NDST4: variants seen among roughly 807,000 people sequenced by gnomAD.
The protein encoded by NDST4 is N-deacetylase and N-sulfotransferase 4.
NDST4 carries 63 observed loss-of-function variants against 100.8 expected under a neutral mutation model. That is an observed-to-expected ratio of 0.62 (90% CI 0.51 to 0.77). The LOEUF (loss-of-function observed/expected upper bound fraction) is 0.77. Among genes scored for constraint, NDST4 ranks in the 30% least tolerant of loss-of-function variants. The probability of loss-of-function intolerance (pLI) is 0.00; values close to 1 mark genes in which losing one functional copy is unlikely to be tolerated. For synonymous variants in NDST4, 377 were observed against 361.8 expected, an observed-to-expected ratio of 1.04 and a Z score of -0.48; for missense variants, 943 against 1,018.4, an observed-to-expected ratio of 0.93 and a Z score of 1.01.
chr4:115,022,408 T>TATATGTGTTCCATATATATATGTGTTCC (rs1560570127), intron 2 of NDST4, among the ~76,000 whole-genome samples: 1 of 140,166 alleles, frequency 7.1e-6, no homozygotes, highest in African/African-American at 2.6e-5. Context: ...GTGTTCCATA[T>TATATGTGTTCCATATATATATGTGTTCC]ATATGTGTTC....
intron 8 of NDST4, 81 bp from the exon 9 acceptor site, chr4:114,848,419 A>G: frequency 2.7e-6 from 3 of 1,093,384 alleles, no homozygotes; most frequent in Non-Finnish European, 2.6e-6. Context: ...CTCAAAAAGT[A>G]ATATTAAAAT....
chr4:114,848,921 A>G (rs1008814458), intron 8 of NDST4, among the ~76,000 whole-genome samples: 1 of 152,196 alleles, frequency 6.6e-6, no homozygotes. Flanking sequence ...ATAATGAGAG[A>G]AGACCAGAGC....
Position 115,076,919 on chromosome 4 carries a change from C to T in NDST4, c.118G>A (p.Glu40Lys). The stretch of plus-strand genomic sequence containing the variant: ...GCAGTGGTTTCAATAAGTGTCATTT[C>T]CTGTTTGTAGCCAGAGTAGAGAAAA... ...AYFLYSGYKQ[E>K]MTLIETTAEA... is the part of the protein sequence containing the mutation. The change falls in exon 2 of 14, where the codon GAA becomes AAA. Residue 40 changes from glutamate (E) to lysine (K), a missense_variant. Physicochemically the swap from Glu to Lys is moderately conservative, Grantham distance 56 (BLOSUM62 1). Around this residue, in one of 2 missense-constraint regions of NDST4, gnomAD observed 417 missense variants for 384.2 expected, o/e 1.09. Transcript: ENST00000264363. 6.2e-7 allele frequency: 1 copy of T among 1,613,688 alleles called. No homozygotes were observed. Among genetic ancestry groups the T allele is most frequent in the Non-Finnish European group, 8.5e-7 (1 of 1,179,828 alleles).
At chr4:115,090,264 A>C (rs1729489419) in intron 1 of NDST4, among the ~76,000 whole-genome samples, 1 of 151,996 alleles carries the variant, frequency 6.6e-6, no homozygotes, top group South Asian at 2.1e-4. Context: ...TACCAATAGA[A>C]TAACCTATTC....
chr4:114,994,678 A>G (rs1727121415), intron 2 of NDST4, among the ~76,000 whole-genome samples: 1 of 152,062 alleles, frequency 6.6e-6, no homozygotes, highest in African/African-American at 2.4e-5. Context: ...CATTGTATAC[A>G]GCTGGGTTTT....
rs1195373553 is a variant in NDST4, at chr4:115,010,658, C to G, written c.979-33384G>C. On this transcript the variant is annotated intron_variant, in intron 2 of 13. Transcript: ENST00000264363. Reference sequence around the variant, plus strand: ...ATATGTAACTAACCTGCACATTGTGCACATGTACCCTAAAACTTAAAGTAT... The same window carrying G: ...ATATGTAACTAACCTGCACATTGTGGACATGTACCCTAAAACTTAAAGTAT... Among the ~76,000 whole-genome samples, 2 of 67,788 alleles carry G rather than the reference C, an allele frequency of 3.0e-5. 1 individual carries two copies. Among genetic ancestry groups the G allele is most frequent in the East Asian group, 1.1e-3 (2 of 1,802 alleles). The allele number at this position is 67,788 out of a possible 152,430, so 44.5% of individuals were successfully genotyped here.
chr4:114,848,592 G>T (rs2126187337), intron 8 of NDST4, among the ~76,000 whole-genome samples: 1 of 152,294 alleles, frequency 6.6e-6, no homozygotes, highest in African/African-American at 2.4e-5. Flanking sequence ...TGATGATGCA[G>T]CTAGTGTGGC....
chr4:115,057,039 C>T (rs1276435664), intron 2 of NDST4, among the ~76,000 whole-genome samples: 1 of 152,004 alleles, frequency 6.6e-6, no homozygotes, highest in Non-Finnish European at 1.5e-5. Context: ...CATACATGCT[C>T]GTGCACTGTA....
intron 2 of NDST4, among the ~76,000 whole-genome samples, chr4:115,047,594 A>G (rs764676496): frequency 1.1e-4 from 16 of 152,250 alleles, no homozygotes; most frequent in Non-Finnish European, 2.1e-4. Flanking sequence ...CTTTTATTTT[A>G]GAATAGTTTT....
At chr4:114,999,546 A>G (rs1727237836) in intron 2 of NDST4, among the ~76,000 whole-genome samples, 1 of 152,124 alleles carries the variant, frequency 6.6e-6, no homozygotes, top group Non-Finnish European at 1.5e-5. Flanking sequence ...ATATTCATTC[A>G]TTAAGAAAAC....
intron 2 of NDST4, among the ~76,000 whole-genome samples, chr4:115,071,276 TCACA>T (rs70964340): frequency 0.44 from 60,575 of 137,844 alleles, 13,461 homozygotes; most frequent in Non-Finnish European, 0.52. Context: ...AAGTATGCCT[TCACA>T]CACACACACA....
chr4:114,993,089 G>T (rs184726783), intron 2 of NDST4, among the ~76,000 whole-genome samples: 11 of 151,996 alleles, frequency 7.2e-5, no homozygotes, highest in Non-Finnish European at 2.9e-5. Context: ...GATAGTAAGT[G>T]CTTAGAATTT....
intron 6 of NDST4, among the ~76,000 whole-genome samples, chr4:114,909,046 C>T (rs1402875769): frequency 6.6e-6 from 1 of 150,704 alleles, no homozygotes; most frequent in Non-Finnish European, 1.5e-5. Flanking sequence ...TGATATAATG[C>T]CTCCTATCCA....
At chr4:115,027,047 G>C (rs1728002315) in intron 2 of NDST4, among the ~76,000 whole-genome samples, 1 of 152,126 alleles carries the variant, frequency 6.6e-6, no homozygotes, top group Non-Finnish European at 1.5e-5. Context: ...CCTGGCTGGT[G>C]GTTGAAGTTG....
At chr4:114,922,207 T>C (rs758048153) in intron 6 of NDST4, among the ~76,000 whole-genome samples, 3 of 152,146 alleles carry the variant, frequency 2.0e-5, no homozygotes, top group Non-Finnish European at 4.4e-5. Context: ...AGCTTCCTGA[T>C]AAGATCTCAG....
chr4:114,877,804 C>T (rs1462692792), intron 6 of NDST4, among the ~76,000 whole-genome samples: 1 of 151,852 alleles, frequency 6.6e-6, no homozygotes, highest in Non-Finnish European at 1.5e-5. Context: ...AAAAAGTAGC[C>T]GGGCCTGGTG....
At chr4:114,952,979 G>C (rs187492554) in intron 4 of NDST4, among the ~76,000 whole-genome samples, 2 of 150,882 alleles carry the variant, frequency 1.3e-5, no homozygotes, top group Admixed American at 1.3e-4. Flanking sequence ...ACCAAAAAAG[G>C]CTTTAAGAAA....
intron 2 of NDST4, among the ~76,000 whole-genome samples, chr4:115,040,533 T>A (rs963023820): frequency 6.7e-6 from 1 of 148,788 alleles, no homozygotes; most frequent in African/African-American, 2.6e-5. Context: ...ATACAAAATA[T>A]GAGACAGAAA....
At chr4:114,912,238 G>C (rs1007948618) in intron 6 of NDST4, among the ~76,000 whole-genome samples, 1 of 152,094 alleles carries the variant, frequency 6.6e-6, no homozygotes, top group African/African-American at 2.4e-5. Flanking sequence ...TTCTTATAAA[G>C]TCTCTGACAC....
Sources: allele counts gnomAD v4.1 joint callset (sites outside exome capture counted in the v4.1 genomes callset), GRCh38; gene constraint gnomAD v4.1.1; regional missense constraint gnomAD v4.1.1; transcripts MANE v1.5; gene names NCBI Gene and HGNC (gene_info 2026-07-23, HGNC 2026-07-21).